Variants in CHST9 observed in about 807,000 individuals in gnomAD.
CHST9 encodes the protein carbohydrate sulfotransferase 9, also known as GalNAc-4-sulfotransferase 2.
A neutral mutation model predicts 44.4 loss-of-function variants in CHST9; 41 were observed. That is an observed-to-expected ratio of 0.92 (90% CI 0.72 to 1.20). CHST9 has a LOEUF of 1.20. Among genes scored for constraint, CHST9 ranks in the 50% most tolerant of loss-of-function variants. The probability of loss-of-function intolerance (pLI) is 0.00; values close to 1 mark genes in which losing one functional copy is unlikely to be tolerated. For synonymous variants in CHST9, 171 were observed against 178.4 expected (o/e 0.96, Z 0.33); for missense variants, 504 against 516.5 (o/e 0.98, Z 0.23).
intron 1 of CHST9, among the ~76,000 whole-genome samples, chr18:27,179,218 T>C (rs1416481239): frequency 6.6e-6 from 1 of 151,898 alleles, no homozygotes; most frequent in Non-Finnish European, 1.5e-5. Flanking sequence ...TCACCACTTA[T>C]TGTCACCCAA....
intron 2 of CHST9, among the ~76,000 whole-genome samples, chr18:27,093,918 A>G (rs921199640): frequency 6.6e-6 from 1 of 151,652 alleles, no homozygotes; most frequent in African/African-American, 2.4e-5. Flanking sequence ...AGAGGCTGAG[A>G]GATGATTGAA....
intron 4 of CHST9, among the ~76,000 whole-genome samples, chr18:27,014,106 T>G (rs1218590239): frequency 6.6e-6 from 1 of 152,174 alleles, no homozygotes; most frequent in Admixed American, 6.5e-5. Flanking sequence ...TACAAGAACA[T>G]GTGCACTTCA....
intron 4 of CHST9, among the ~76,000 whole-genome samples, chr18:27,008,792 A>C (rs1434702456): frequency 6.6e-6 from 1 of 152,086 alleles, no homozygotes; most frequent in Non-Finnish European, 1.5e-5. Flanking sequence ...CACAAGAAGT[A>C]TTCTGGAATA....
intron 4 of CHST9, among the ~76,000 whole-genome samples, chr18:27,006,080 T>C (rs1000991613): frequency 3.3e-5 from 5 of 152,200 alleles, no homozygotes; most frequent in Non-Finnish European, 7.3e-5. Flanking sequence ...ATAGTCTTAC[T>C]TCCATCACCT....
In CHST9 at chr18:27,065,027, G is replaced by A. The variant is rs374292650; in HGVS notation, c.122-16524C>T. 7.9e-5 allele frequency among the ~76,000 whole-genome samples: 12 copies of A among 152,274 alleles called. No homozygotes were observed. In the East Asian group the frequency reaches 1.2e-3, roughly 15 times the overall value. ...TGAGGGGACAGAAAGAACAGCCGTC[G>A]CCTGAAGCTTTTCTTCCTGTGTGTA... On this transcript the variant is annotated intron_variant, in intron 2 of 5. Transcript: ENST00000618847.
At chr18:27,178,792 C>A (rs1348917053) in intron 1 of CHST9, among the ~76,000 whole-genome samples, 1 of 151,926 alleles carries the variant, frequency 6.6e-6, no homozygotes, top group African/African-American at 2.4e-5. Flanking sequence ...CTACCACAAG[C>A]AATATAACAA....
At chr18:27,063,770 C>T (rs1413959068) in intron 2 of CHST9, among the ~76,000 whole-genome samples, 1 of 150,288 alleles carries the variant, frequency 6.7e-6, no homozygotes, top group Non-Finnish European at 1.5e-5. Flanking sequence ...GATTTTTTTT[C>T]AAAAAAGTTA....
chr18:26,971,806 G>T (rs2056547202), intron 4 of CHST9, among the ~76,000 whole-genome samples: 1 of 151,778 alleles, frequency 6.6e-6, no homozygotes, highest in Non-Finnish European at 1.5e-5. Flanking sequence ...GAAGGACAGA[G>T]CGCCCATGGC....
intron 2 of CHST9, among the ~76,000 whole-genome samples, chr18:27,125,394 T>C (rs909321219): frequency 1.3e-5 from 2 of 152,244 alleles, no homozygotes; most frequent in Non-Finnish European, 2.9e-5. Context: ...TCTGGAATTC[T>C]ACATTTATCA....
intron 4 of CHST9, 59 bp downstream of exon 4, chr18:27,024,057 T>C (rs1238777623): frequency 2.0e-6 from 3 of 1,483,656 alleles, no homozygotes; most frequent in Non-Finnish European, 2.8e-6. Context: ...GATATTCTAG[T>C]TGTTGCTCTG....
chr18:27,087,636 A>G (rs1485070801), intron 2 of CHST9, among the ~76,000 whole-genome samples: 1 of 152,190 alleles, frequency 6.6e-6, no homozygotes, highest in Non-Finnish European at 1.5e-5. Flanking sequence ...TTTCATACAT[A>G]CTTGCCTCTG....
At chr18:26,963,178 C>T (rs2056421892) in intron 4 of CHST9, among the ~76,000 whole-genome samples, 1 of 152,140 alleles carries the variant, frequency 6.6e-6, no homozygotes, top group Non-Finnish European at 1.5e-5. Flanking sequence ...AGTCAGTCTG[C>T]CTCTCAACAT....
intron 1 of CHST9, among the ~76,000 whole-genome samples, chr18:27,174,153 T>C (rs2058851391): frequency 6.6e-6 from 1 of 151,950 alleles, no homozygotes; most frequent in Admixed American, 6.6e-5. Context: ...TCCAATATTA[T>C]CCTTTATAGA....
intron 4 of CHST9, among the ~76,000 whole-genome samples, chr18:26,961,640 C>A (rs1403501643): frequency 3.3e-5 from 5 of 152,102 alleles, no homozygotes; most frequent in African/African-American, 1.2e-4. Context: ...ATTGTTCAGG[C>A]TGTTCCCAAA....
chr18:27,111,023 C>G (rs2058266370), intron 2 of CHST9, among the ~76,000 whole-genome samples: 1 of 152,364 alleles, frequency 6.6e-6, no homozygotes, highest in South Asian at 2.1e-4. Flanking sequence ...GCTTTAAAGT[C>G]TATCAGTGTG....
chr18:27,142,846 GT>G lies in CHST9; in HGVS notation c.-38del. ...TCAGAATCTGAAGACCACATGATTT[GT>G]TTTCCCGTAAAACTTCAGTCTTTTC... On this transcript the variant is annotated 5_prime_UTR_variant, in exon 2 of 6. Transcript: ENST00000618847. 1 of 1,557,754 alleles carries G rather than the reference GT, an allele frequency of 6.4e-7. No homozygotes were observed. Among genetic ancestry groups the G allele is most frequent in the Non-Finnish European group, 8.7e-7 (1 of 1,154,554 alleles).
At chr18:27,171,511 G>A (rs2058833401) in intron 1 of CHST9, among the ~76,000 whole-genome samples, 1 of 152,092 alleles carries the variant, frequency 6.6e-6, no homozygotes, top group South Asian at 2.1e-4. Context: ...AATGAGGAAA[G>A]GAAATTGAAA....
intron 2 of CHST9, among the ~76,000 whole-genome samples, chr18:27,138,960 A>C (rs1216750841): frequency 6.6e-6 from 1 of 152,236 alleles, no homozygotes; most frequent in Non-Finnish European, 1.5e-5. Context: ...GGATAAATTA[A>C]TGGATAGTGA....
intron 2 of CHST9, among the ~76,000 whole-genome samples, chr18:27,092,911 T>C (rs1444150350): frequency 1.3e-5 from 2 of 152,166 alleles, no homozygotes; most frequent in African/African-American, 4.8e-5. Context: ...CCGAGAAGAA[T>C]GTATATTCTG....
Sources: allele counts gnomAD v4.1 joint callset (sites outside exome capture counted in the v4.1 genomes callset), GRCh38; gene constraint gnomAD v4.1.1; transcripts MANE v1.5; gene names NCBI Gene and HGNC (gene_info 2026-07-23, HGNC 2026-07-21).